Variants in HIF3A observed in about 807,000 individuals in gnomAD.
HIF3A encodes the protein hypoxia-inducible factor 3-alpha.
In HIF3A, 41 loss-of-function variants were observed where a neutral mutation model predicts 67.2. The ratio of observed to expected loss-of-function variants is 0.61; its 90% CI spans 0.48 to 0.79. The LOEUF is 0.79. Among genes scored for constraint, HIF3A ranks in the 30% least tolerant of loss-of-function variants. The probability of loss-of-function intolerance (pLI) is 0.00; values close to 1 mark genes in which losing one functional copy is unlikely to be tolerated. For synonymous variants in HIF3A, 356 were observed against 374.8 expected, an observed-to-expected ratio of 0.95 and a Z score of 0.58; for missense variants, 855 against 898.0, an observed-to-expected ratio of 0.95 and a Z score of 0.61.
At chr19:46,304,951 A>G (rs1968700574) in intron 2 of HIF3A, 1 of 469,652 alleles carries the variant, frequency 2.1e-6, no homozygotes, top group Non-Finnish European at 3.9e-6. Context: ...CCATCCACTT[A>G]GAATTCTGTC....
Position 46,341,170 on chromosome 19 carries a change from T to G in HIF3A, c.*1548T>G, listed in dbSNP as rs1198669054. 1 of 151,786 alleles carries G rather than the reference T, an allele frequency of 6.6e-6. No individual in the cohort carries two copies. Among genetic ancestry groups the G allele is most frequent in the African/African-American group, 2.4e-5 (1 of 41,310 alleles). 9.4% of individuals were successfully genotyped at this position (151,786 alleles called of 1,614,324 possible). ...TTCTCCTGATCGGTAATACATTTGG[T>G]TCCAAATCCAGACCTCTTAATCTCT... On this transcript the variant is annotated 3_prime_UTR_variant, in exon 15 of 15. Coordinates refer to ENST00000377670, the MANE Select transcript of HIF3A (RefSeq NM_152795.4).
In HIF3A at chr19:46,334,963, T is replaced by A. The variant is rs1284697153; in HGVS notation, c.1889T>A (p.Leu630His). The change falls in exon 14 of 15, where the codon CTC becomes CAC. Residue 630 changes from leucine to histidine, a missense_variant. Physicochemically the swap from Leu to His is moderately conservative, Grantham distance 99. Around this residue, in one of 3 missense-constraint regions of HIF3A, gnomAD observed 199 missense variants for 193.8 expected, o/e 1.03. Transcript: ENST00000377670. The part of the protein sequence containing the change: ...PGSLQDPSTP[L>H]LNLNEPLGLG... ...AGCCTGCAGGACCCCAGCACCCCACTCCTGAACCTGAATGAGCCCCTGGGT... is the reference window on the plus strand; with the variant it reads ...AGCCTGCAGGACCCCAGCACCCCACACCTGAACCTGAATGAGCCCCTGGGT... 6.2e-7 allele frequency: 1 copy of A among 1,607,108 alleles called. No individual in the cohort carries two copies. Among genetic ancestry groups the A allele is most frequent in the East Asian group, 2.2e-5 (1 of 44,616 alleles).
Position 46,312,495 on chromosome 19 carries a change from C to A in HIF3A, c.878-11C>A. ...TTGGTGGCCCTGATCCCTCCCGATC[C>A]CCCTCCTCAGTGCTGAGCAAGGGCC... On this transcript the variant is annotated splice_polypyrimidine_tract_variant and intron_variant, in intron 7 of 14. Coordinates refer to ENST00000377670, the MANE Select transcript of HIF3A (RefSeq NM_152795.4). 1 of 1,613,802 alleles carries A rather than the reference C, an allele frequency of 6.2e-7. No individual in the cohort carries two copies. Among genetic ancestry groups the A allele is most frequent in the Non-Finnish European group, 8.5e-7 (1 of 1,179,884 alleles).
Position 46,340,154 on chromosome 19 carries a change from G to A in HIF3A, c.*532G>A, listed in dbSNP as rs1203073404. ...GGACTCTGATCTTCCCCCTCTTCAG[G>A]TGTCAGTGCGGAGAGGCTCTGGGCC... On this transcript the variant is annotated 3_prime_UTR_variant, in exon 15 of 15. Transcript: ENST00000377670. 1 of 152,158 alleles carries A rather than the reference G, an allele frequency of 6.6e-6. No homozygotes were observed. Among genetic ancestry groups the A allele is most frequent in the Non-Finnish European group, 1.5e-5 (1 of 68,084 alleles). The allele number at this position is 152,158 out of a possible 1,614,324, so 9.4% of individuals were successfully genotyped here. A position where few individuals can be genotyped will look rare whatever the true frequency, so the allele number is the denominator to read the frequency against.
chr19:46,298,568 G>C (rs1968056934), intron 1 of HIF3A: 4 of 1,203,314 alleles, frequency 3.3e-6, no homozygotes, highest in Non-Finnish European at 4.3e-6. Context: ...AGCTGGGGCT[G>C]GCTGCCATCC....
chr19:46,307,563 C>T (rs1405547759), intron 3 of HIF3A, among the ~76,000 whole-genome samples: 4 of 152,118 alleles, frequency 2.6e-5, no homozygotes, highest in Non-Finnish European at 4.4e-5. Flanking sequence ...ACCTGGCCAA[C>T]ATGGTGAAAC....
intron 10 of HIF3A, among the ~76,000 whole-genome samples, chr19:46,322,451 TATTTTC>T (rs1391644793): frequency 5.3e-5 from 8 of 152,236 alleles, no homozygotes; most frequent in Non-Finnish European, 7.4e-5. Context: ...TTTTTATTTT[TATTTTC>T]GAGATGGAGT....
chr19:46,329,480 T>G lies in HIF3A; in HGVS notation c.1712+2T>G, dbSNP rs1328055589. On this transcript the variant is annotated splice_donor_variant, in intron 12 of 14. Coordinates refer to ENST00000377670, the MANE Select transcript of HIF3A (RefSeq NM_152795.4). LOFTEE classifies it high-confidence loss of function. Reference sequence around the variant, plus strand: ...TCCCATGGCTGGGGCTCGGAAGAGGTGAGCCACAGTAAAGGGGGGACATCA... The same window carrying G: ...TCCCATGGCTGGGGCTCGGAAGAGGGGAGCCACAGTAAAGGGGGGACATCA... 6.6e-7 allele frequency: 1 copy of G among 1,508,406 alleles called. No homozygotes were observed. The highest frequency in any genetic ancestry group is 8.9e-7 in the Non-Finnish European group (1 of 1,128,108). The allele number at this position is 1,508,406 out of a possible 1,614,324, so 93.4% of individuals were successfully genotyped here. A position where few individuals can be genotyped will look rare whatever the true frequency, so the allele number is the denominator to read the frequency against.
chr19:46,331,052 A>C (rs1240717031), intron 12 of HIF3A, 104 bp from the exon 13 acceptor site: 19 of 757,912 alleles, frequency 2.5e-5, no homozygotes, highest in Non-Finnish European at 3.5e-5. Flanking sequence ...AAAGGAATAA[A>C]TAGGTGCTCA....
chr19:46,315,667 A>G (rs1319355173), intron 8 of HIF3A, among the ~76,000 whole-genome samples: 1 of 152,210 alleles, frequency 6.6e-6, no homozygotes, highest in Non-Finnish European at 1.5e-5. Context: ...TAATCCCAGC[A>G]CTTTGGGAGG....
chr19:46,313,024 C>T (rs1225621864), intron 8 of HIF3A: 7 of 970,416 alleles, frequency 7.2e-6, no homozygotes, highest in South Asian at 4.8e-5. Context: ...CTGAGGTGGG[C>T]GGATTGCCTG....
chr19:46,317,861 CAG>C (rs1970041678), intron 8 of HIF3A, among the ~76,000 whole-genome samples: 1 of 151,266 alleles, frequency 6.6e-6, no homozygotes, highest in South Asian at 2.1e-4. Context: ...TTTTTTGAGA[CAG>C]AGTCTCATTC....
intron 1 of HIF3A, among the ~76,000 whole-genome samples, chr19:46,300,978 C>A (rs1968275447): frequency 6.6e-6 from 1 of 152,082 alleles, no homozygotes; most frequent in South Asian, 2.1e-4. Flanking sequence ...TTCCCACTCC[C>A]TGTTCCCTGT....
chr19:46,321,545 C>G (rs1413359129), intron 9 of HIF3A, among the ~76,000 whole-genome samples: 1 of 152,196 alleles, frequency 6.6e-6, no homozygotes, highest in Non-Finnish European at 1.5e-5. Context: ...GATAGTGCCA[C>G]TGCACTCCAT....
intron 13 of HIF3A, 36 bp from the exon 14 acceptor site, chr19:46,334,869 G>T: frequency 1.3e-6 from 2 of 1,538,512 alleles, no homozygotes; most frequent in Non-Finnish European, 1.8e-6. Flanking sequence ...TACTAATGAT[G>T]ATGATGATGG....
intron 1 of HIF3A, chr19:46,298,220 T>TC: frequency 3.5e-6 from 1 of 285,028 alleles, no homozygotes; most frequent in Non-Finnish European, 7.0e-6. Context: ...CCCCATCCTC[T>TC]CCCCTGTCCC....
intron 3 of HIF3A, among the ~76,000 whole-genome samples, chr19:46,305,620 G>A (rs1051796484): frequency 1.3e-5 from 2 of 152,184 alleles, no homozygotes; most frequent in Admixed American, 1.3e-4. Flanking sequence ...TGGGAATGGA[G>A]GGCTTCCTGG....
chr19:46,322,641 A>T (rs961268348), intron 10 of HIF3A, among the ~76,000 whole-genome samples: 2 of 151,982 alleles, frequency 1.3e-5, no homozygotes, highest in African/African-American at 4.8e-5. Context: ...GGGTTTCACC[A>T]TGTTGGCCAG....
intron 14 of HIF3A, among the ~76,000 whole-genome samples, chr19:46,335,427 AC>A (rs1971541740): frequency 6.6e-6 from 1 of 151,616 alleles, no homozygotes; most frequent in African/African-American, 2.4e-5. Flanking sequence ...GTGCCACCAC[AC>A]CTGGCTAATT....
Sources: gnomAD v4.1 joint callset for allele counts (sites outside exome capture counted in the v4.1 genomes callset) on GRCh38, gnomAD v4.1.1 for gene constraint, gnomAD v4.1.1 regional missense constraint, MANE v1.5 for transcripts, NCBI Gene and HGNC (gene_info 2026-07-23, HGNC 2026-07-21) for gene names.